CDH12: variants seen among roughly 807,000 people sequenced by gnomAD.
CDH12 encodes the protein cadherin-12.
Under a neutral mutation model 74.1 loss-of-function variants are expected in CDH12, and 41 were observed. That is an observed-to-expected ratio of 0.55 (90% CI 0.43 to 0.72). The LOEUF is 0.72. CDH12 is among the 30% of genes least tolerant of loss of function. The probability of loss-of-function intolerance (pLI) is 0.00; values close to 1 mark genes in which losing one functional copy is unlikely to be tolerated. For synonymous variants in CDH12, 399 were observed against 355.0 expected, an observed-to-expected ratio of 1.12 and a Z score of -1.39; for missense variants, 945 against 977.2, an observed-to-expected ratio of 0.97 and a Z score of 0.44.
chr5:21,972,020 T>C (rs1157599304), intron 6 of CDH12, among the ~76,000 whole-genome samples: 1 of 152,150 alleles, frequency 6.6e-6, no homozygotes, highest in Non-Finnish European at 1.5e-5. Flanking sequence ...TCTTGACTCA[T>C]CCTACCCACC....
intron 6 of CDH12, among the ~76,000 whole-genome samples, chr5:21,875,891 C>A (rs1204839797): frequency 8.4e-6 from 1 of 119,556 alleles, no homozygotes; most frequent in African/African-American, 3.0e-5. Context: ...TTCTTCTTTG[C>A]GGGCATTTTT....
At chr5:21,917,427 A>G (rs981423328) in intron 6 of CDH12, among the ~76,000 whole-genome samples, 1 of 152,204 alleles carries the variant, frequency 6.6e-6, no homozygotes, top group African/African-American at 2.4e-5. Flanking sequence ...GTCATTATAT[A>G]AAAATTACCA....
chr5:22,069,877 G>A (rs1289324288), intron 5 of CDH12, among the ~76,000 whole-genome samples: 3 of 152,028 alleles, frequency 2.0e-5, no homozygotes, highest in Admixed American at 6.6e-5. Flanking sequence ...AACTAGTAAC[G>A]GTCTAGATCA....
intron 6 of CDH12, among the ~76,000 whole-genome samples, chr5:21,944,906 T>A (rs1437710470): frequency 6.6e-6 from 1 of 152,156 alleles, no homozygotes; most frequent in Non-Finnish European, 1.5e-5. Context: ...ACTCTACTTT[T>A]GATAGGATGG....
At chr5:21,804,769 C>A (rs1404416979) in intron 9 of CDH12, among the ~76,000 whole-genome samples, 1 of 151,790 alleles carries the variant, frequency 6.6e-6, no homozygotes, top group Non-Finnish European at 1.5e-5. Flanking sequence ...AGACTTGCCT[C>A]TCAATTCATT....
intron 6 of CDH12, among the ~76,000 whole-genome samples, chr5:21,875,914 T>A (rs2150025219): frequency 6.7e-6 from 1 of 148,376 alleles, no homozygotes; most frequent in South Asian, 2.2e-4. Context: ...TTTTTTTTTC[T>A]GAAACGGAGT....
chr5:21,796,955 T>A (rs1368920196), intron 10 of CDH12, among the ~76,000 whole-genome samples: 1 of 152,122 alleles, frequency 6.6e-6, no homozygotes, highest in East Asian at 1.9e-4. Context: ...AACTATATAA[T>A]AGCAGTGTTC....
At chr5:21,778,134 T>C (rs1437630089) in intron 11 of CDH12, among the ~76,000 whole-genome samples, 1 of 152,126 alleles carries the variant, frequency 6.6e-6, no homozygotes, top group Non-Finnish European at 1.5e-5. Flanking sequence ...ATGGTGAATA[T>C]GTTCCCTGTG....
intron 6 of CDH12, among the ~76,000 whole-genome samples, chr5:21,919,867 G>T (rs1193059888): frequency 1.3e-5 from 2 of 152,064 alleles, no homozygotes; most frequent in Non-Finnish European, 2.9e-5. Context: ...TGTCAGTGAT[G>T]CTAAATGACC....
Position 22,814,219 on chromosome 5 carries a change from A to G in CDH12, c.-523+38839T>C, listed in dbSNP as rs117787039. ...ATGCTTGGCCCACAGAAAGTACCAG[A>G]TGGGAATCAAACCAGAGATTGCCCC... is the stretch of plus-strand genomic sequence containing the variant. On this transcript the variant is annotated intron_variant, in intron 1 of 14. Coordinates refer to ENST00000382254, the MANE Select transcript of CDH12 (RefSeq NM_004061.5). Among the ~76,000 whole-genome samples, 66 of 152,304 alleles carry G rather than the reference A, an allele frequency of 4.3e-4. 2 individuals are homozygous for G. In the East Asian group the frequency reaches 0.013, roughly 29 times the overall value.
At chr5:22,407,446 A>G (rs1742987959) in intron 2 of CDH12, among the ~76,000 whole-genome samples, 1 of 152,088 alleles carries the variant, frequency 6.6e-6, no homozygotes, top group Non-Finnish European at 1.5e-5. Context: ...TACCATTACG[A>G]TATCCTGTTT....
At chr5:22,814,777 T>C (rs1439630541) in intron 1 of CDH12, among the ~76,000 whole-genome samples, 1 of 152,212 alleles carries the variant, frequency 6.6e-6, no homozygotes, top group Admixed American at 6.5e-5. Context: ...ATGTCATATG[T>C]AATTTGATAA....
At chr5:22,440,181 T>C (rs555504094) in intron 2 of CDH12, among the ~76,000 whole-genome samples, 281 of 152,202 alleles carry the variant, frequency 1.8e-3, no homozygotes, top group African/African-American at 6.3e-3. Flanking sequence ...ATCAAAAATA[T>C]ATGTGGCATG....
chr5:22,424,085 A>G (rs533008814), intron 2 of CDH12, among the ~76,000 whole-genome samples: 5 of 151,002 alleles, frequency 3.3e-5, no homozygotes, highest in Admixed American at 2.6e-4. Flanking sequence ...TGCTTGAGGT[A>G]TCCACGAAAA....
Position 21,751,622 on chromosome 5 carries a change from G to GTGTT in CDH12, c.*114_*115insAACA, listed in dbSNP as rs1744061824. On this transcript the variant is annotated 3_prime_UTR_variant, in exon 15 of 15. Coordinates refer to ENST00000382254, the MANE Select transcript of CDH12 (RefSeq NM_004061.5). ...ATCTTGTCCCAGAGTGTGTGTGTGTGTGTGTGTGTTTGTGTGTGTGTGTGT... is the reference window on the plus strand; with the variant it reads ...ATCTTGTCCCAGAGTGTGTGTGTGTGTGTTTGTGTGTGTTTGTGTGTGTGTGTGT... 24 of 581,070 alleles carry GTGTT rather than the reference G, an allele frequency of 4.1e-5. No individual in the cohort carries two copies. Among genetic ancestry groups the GTGTT allele is most frequent in the Middle Eastern group, 3.0e-4 (1 of 3,358 alleles). 36.0% of individuals were successfully genotyped at this position (581,070 alleles called of 1,614,324 possible). A position where few individuals can be genotyped will look rare whatever the true frequency, so the allele number is the denominator to read the frequency against.
intron 3 of CDH12, among the ~76,000 whole-genome samples, chr5:22,349,653 AC>A (rs1398643296): frequency 6.6e-6 from 1 of 151,912 alleles, no homozygotes; most frequent in Non-Finnish European, 1.5e-5. Flanking sequence ...TTGTTTGCTC[AC>A]CCCCAAATAT....
At chr5:21,777,860 C>T (rs112049604) in intron 11 of CDH12, among the ~76,000 whole-genome samples, 1 of 152,130 alleles carries the variant, frequency 6.6e-6, no homozygotes, top group African/African-American at 2.4e-5. Flanking sequence ...ATGTACAATA[C>T]ACTGTTTTGA....
chr5:22,662,116 C>G (rs1342586163), intron 1 of CDH12, among the ~76,000 whole-genome samples: 3 of 152,072 alleles, frequency 2.0e-5, no homozygotes, highest in African/African-American at 7.2e-5. Context: ...AGGATACTAC[C>G]TAATCATACC....
In CDH12 at chr5:21,838,593, A is replaced by G. The variant is rs1749669744; in HGVS notation, c.814+3568T>C. 2.0e-5 allele frequency among the ~76,000 whole-genome samples: 3 copies of G among 152,032 alleles called. No individual in the cohort carries two copies. In the South Asian group the frequency reaches 6.2e-4, roughly 32 times the overall value. On this transcript the variant is annotated intron_variant, in intron 8 of 14. Transcript: ENST00000382254. ...AAAAACAAAACAAAAAAAAGTTCCAATGCCCTTATCCTCTACATTTTTTGC... is the reference window on the plus strand; with the variant it reads ...AAAAACAAAACAAAAAAAAGTTCCAGTGCCCTTATCCTCTACATTTTTTGC...
Sources: allele counts gnomAD v4.1 joint callset (sites outside exome capture counted in the v4.1 genomes callset), GRCh38; gene constraint gnomAD v4.1.1; transcripts MANE v1.5; gene names NCBI Gene and HGNC (gene_info 2026-07-23, HGNC 2026-07-21).